Variants in AFAP1L2 observed in about 807,000 individuals in gnomAD.
AFAP1L2 encodes the protein actin filament associated protein 1 like 2.
AFAP1L2 carries 46 observed loss-of-function variants against 99.3 expected under a neutral mutation model. The ratio of observed to expected loss-of-function variants is 0.46; its 90% CI spans 0.37 to 0.59. The LOEUF (loss-of-function observed/expected upper bound fraction) is 0.59. Ranked by LOEUF, AFAP1L2 falls within the 20% of genes least tolerant of loss-of-function variation. The probability of loss-of-function intolerance (pLI) is 0.00; values close to 1 mark genes in which losing one functional copy is unlikely to be tolerated. For synonymous variants in AFAP1L2, 397 were observed against 419.1 expected (o/e 0.95, Z 0.64); for missense variants, 959 against 1,034.9 (o/e 0.93, Z 1.01).
At chr10:114,329,962 G>A (rs1435461255) in intron 4 of AFAP1L2, among the ~76,000 whole-genome samples, 1 of 152,176 alleles carries the variant, frequency 6.6e-6, no homozygotes, top group African/African-American at 2.4e-5. Flanking sequence ...GGCGGATGGT[G>A]TGTGTGCATG....
intron 1 of AFAP1L2, among the ~76,000 whole-genome samples, chr10:114,372,918 C>G (rs961166783): frequency 1.3e-5 from 2 of 152,226 alleles, no homozygotes; most frequent in African/African-American, 4.8e-5. Flanking sequence ...TTTTCACTTG[C>G]TAATGTGCCT....
intron 1 of AFAP1L2, among the ~76,000 whole-genome samples, chr10:114,367,560 A>G (rs1182619728): frequency 6.6e-6 from 1 of 152,216 alleles, no homozygotes; most frequent in African/African-American, 2.4e-5. Context: ...GAAACTGACC[A>G]ATAATGAGTC....
At chr10:114,363,265 CT>C in intron 1 of AFAP1L2, 1 of 784,572 alleles carries the variant, frequency 1.3e-6, no homozygotes, top group Non-Finnish European at 1.5e-6. Flanking sequence ...CCACCGGCTT[CT>C]TTACCGTAAC....
intron 6 of AFAP1L2, 130 bp downstream of exon 6, chr10:114,315,430 A>T (rs908231589): frequency 2.4e-6 from 2 of 847,860 alleles, no homozygotes; most frequent in Non-Finnish European, 3.7e-6. Flanking sequence ...ATTAGGGAGA[A>T]GTTAAAATCT....
At chr10:114,366,643 T>C (rs1353372767) in intron 1 of AFAP1L2, among the ~76,000 whole-genome samples, 1 of 152,128 alleles carries the variant, frequency 6.6e-6, no homozygotes, top group Non-Finnish European at 1.5e-5. Flanking sequence ...TCTTCAGGGG[T>C]GGCCATTTTC....
chr10:114,372,571 T>G (rs2054256209), intron 1 of AFAP1L2, among the ~76,000 whole-genome samples: 1 of 152,090 alleles, frequency 6.6e-6, no homozygotes, highest in African/African-American at 2.4e-5. Flanking sequence ...CTTCTATTTT[T>G]ATTAAGCTTT....
intron 1 of AFAP1L2, among the ~76,000 whole-genome samples, chr10:114,367,813 G>A (rs2053508987): frequency 6.6e-6 from 1 of 152,218 alleles, no homozygotes; most frequent in South Asian, 2.1e-4. Flanking sequence ...AGCAGCCGCT[G>A]ATGGCTATGG....
At chr10:114,285,583 C>G in the AFAP1L2 span, among the ~76,000 whole-genome samples, 2 of 152,198 alleles carry the variant, frequency 1.3e-5, no homozygotes, top group Non-Finnish European at 2.9e-5. Context: ...GACCTCTGTG[C>G]AAAAGGCAAA....
chr10:114,388,134 T>C (rs1330710050), intron 1 of AFAP1L2, among the ~76,000 whole-genome samples: 1 of 152,164 alleles, frequency 6.6e-6, no homozygotes, highest in Non-Finnish European at 1.5e-5. Context: ...TACCTGGCGG[T>C]GACTTACCCA....
At position 114,361,202 on chromosome 10, in the gene AFAP1L2, CCACAA is replaced by C. The variant is rs557507277; in HGVS notation, c.17-20476_17-20472del. Among the ~76,000 whole-genome samples, 150 of 152,262 alleles carry C rather than the reference CCACAA, an allele frequency of 9.9e-4. 1 individual carries two copies. Among genetic ancestry groups the C allele is most frequent in the African/African-American group, 3.5e-3 (144 of 41,554 alleles). ...TCAATTACCTCCCACCAGGTCCCTCCCACAACACGTGGGAATTCAAGAAGAGATTT... is the reference window on the plus strand; with the variant it reads ...TCAATTACCTCCCACCAGGTCCCTCCCACGTGGGAATTCAAGAAGAGATTT... On this transcript the variant is annotated intron_variant, in intron 1 of 18. Transcript: ENST00000304129.
chr10:114,303,180 G>GTTTA (rs1463507088), intron 11 of AFAP1L2, among the ~76,000 whole-genome samples: 2 of 151,198 alleles, frequency 1.3e-5, no homozygotes, highest in Non-Finnish European at 2.9e-5. Context: ...AAAGCTATAG[G>GTTTA]TTTATTTTGA....
the AFAP1L2 span, chr10:114,286,025 G>A: frequency 3.1e-6 from 5 of 1,614,128 alleles, no homozygotes; most frequent in Non-Finnish European, 4.2e-6. Context: ...CTTCCTGCGG[G>A]CCAAAGTCTT....
chr10:114,344,467 T>A (rs1426820161), intron 1 of AFAP1L2, among the ~76,000 whole-genome samples: 2 of 152,222 alleles, frequency 1.3e-5, no homozygotes, highest in South Asian at 4.1e-4. Flanking sequence ...ACTGTAAGTA[T>A]CTTTTCACTT....
chr10:114,327,147 T>TTATTTTTATATATATATA (rs1554902752), intron 4 of AFAP1L2, among the ~76,000 whole-genome samples: 3 of 54,538 alleles, frequency 5.5e-5, no homozygotes, highest in Non-Finnish European at 1.5e-4. Context: ...TTATATATAT[T>TTATTTTTATATATATATA]TATATATATA....
intron 1 of AFAP1L2, among the ~76,000 whole-genome samples, chr10:114,370,327 T>C (rs1211873213): frequency 1.3e-5 from 2 of 152,246 alleles, no homozygotes; most frequent in Admixed American, 1.3e-4. Flanking sequence ...AGCCTTCAGC[T>C]ATTTTCGTGG....
At chr10:114,294,224 A>G (rs532681902), downstream of AFAP1L2, among the ~76,000 whole-genome samples, 40 of 152,320 alleles carry the variant, frequency 2.6e-4, no homozygotes, top group African/African-American at 9.1e-4. Flanking sequence ...GTGTCCAACA[A>G]TGAGATTTGT....
In AFAP1L2 at chr10:114,295,448, C is replaced by G; in HGVS notation, c.*594G>C. 2.0e-6 allele frequency: 2 copies of G among 985,600 alleles called. No individual in the cohort carries two copies. Among genetic ancestry groups the G allele is most frequent in the Non-Finnish European group, 2.4e-6 (2 of 829,922 alleles). The allele number at this position is 985,600 out of a possible 1,614,324, so 61.1% of individuals were successfully genotyped here. ...TTCAGCTTGGTCCCAAATATTTTCC[C>G]CATTATTGTTTCTCAAAACTCATGT... is the stretch of plus-strand genomic sequence containing the variant. On this transcript the variant is annotated 3_prime_UTR_variant, in exon 19 of 19. Coordinates refer to ENST00000304129, the MANE Select transcript of AFAP1L2 (RefSeq NM_001001936.3).
chr10:114,303,778 G>T (rs1474251081), intron 11 of AFAP1L2, among the ~76,000 whole-genome samples: 1 of 152,140 alleles, frequency 6.6e-6, no homozygotes, highest in Non-Finnish European at 1.5e-5. Context: ...CCCGATCTGA[G>T]CTTGCCGCCC....
intron 18 of AFAP1L2, 108 bp downstream of exon 18, chr10:114,296,870 C>T: frequency 1.3e-6 from 2 of 1,583,702 alleles, no homozygotes; most frequent in East Asian, 2.3e-5. Context: ...CGAGCCCTTG[C>T]TCAGAGCTGG....
Sources: allele counts gnomAD v4.1 joint callset (sites outside exome capture counted in the v4.1 genomes callset), GRCh38; gene constraint gnomAD v4.1.1; transcripts MANE v1.5; gene names NCBI Gene and HGNC (gene_info 2026-07-23, HGNC 2026-07-21).